Variants in NKAIN2 observed in about 807,000 individuals in gnomAD.
NKAIN2 encodes the protein sodium/potassium transporting ATPase interacting 2.
Under a neutral mutation model 32.6 loss-of-function variants are expected in NKAIN2, and 14 were observed. The ratio of observed to expected loss-of-function variants is 0.43; its 90% confidence interval spans 0.28 to 0.67. NKAIN2 has a LOEUF of 0.67. Among genes scored for constraint, NKAIN2 ranks in the 30% least tolerant of loss-of-function variants. The pLI, the probability that NKAIN2 is intolerant of heterozygous loss-of-function variation, is 0.17. For missense variants in NKAIN2, 198 were observed against 258.3 expected, an observed-to-expected ratio of 0.77 and a Z score of 1.60; for synonymous variants, 80 against 87.2, an observed-to-expected ratio of 0.92 and a Z score of 0.46.
chr6:124,735,769 C>A (rs2114675932), intron 4 of NKAIN2, among the ~76,000 whole-genome samples: 1 of 151,932 alleles, frequency 6.6e-6, no homozygotes, highest in African/African-American at 2.4e-5. Context: ...CAATTCACAT[C>A]CATATAAGAT....
chr6:124,406,180 C>T (rs1006156304), intron 3 of NKAIN2, among the ~76,000 whole-genome samples: 1 of 152,014 alleles, frequency 6.6e-6, no homozygotes, highest in Non-Finnish European at 1.5e-5. Context: ...AAATATATTC[C>T]TCACCATTGA....
At position 124,215,884 on chromosome 6, in the gene NKAIN2, G is replaced by C. The variant is rs971161396; in HGVS notation, c.55-67121G>C. Among the ~76,000 whole-genome samples, 4 of 152,224 alleles carry C rather than the reference G, an allele frequency of 2.6e-5. No homozygotes were observed. In the East Asian group the frequency reaches 7.7e-4, roughly 29 times the overall value. ...TGTAATCCCAGCACTTTGGGAGACT[G>C]AGGCGGGTGGATCACCTGAGGTCAG... On this transcript the variant is annotated intron_variant, in intron 1 of 6. Transcript: ENST00000368417.
chr6:124,257,077 T>TC (rs376193974), intron 1 of NKAIN2, among the ~76,000 whole-genome samples: 4 of 152,008 alleles, frequency 2.6e-5, no homozygotes, highest in African/African-American at 9.7e-5. Flanking sequence ...TATTTTTTTT[T>TC]CACTAGAGGA....
chr6:124,086,895 GCAGAGAGAATACTTCTCAA>G (rs1784212442), intron 1 of NKAIN2, among the ~76,000 whole-genome samples: 1 of 151,910 alleles, frequency 6.6e-6, no homozygotes, highest in South Asian at 2.1e-4. Flanking sequence ...GAAGGTAGAA[GCAGAGAGAATACTTCTCAA>G]GTCATTCTTT....
In NKAIN2 at chr6:124,527,452, C is replaced by T. The variant is rs961907338; in HGVS notation, c.274-130734C>T. On this transcript the variant is annotated intron_variant, in intron 3 of 6. Coordinates refer to ENST00000368417, the MANE Select transcript of NKAIN2 (RefSeq NM_001040214.3). ...TCTCTAAATAATAAATATTTCTGAACGTGTATCATTAATATTAGAATTTGT... is the reference window on the plus strand; with the variant it reads ...TCTCTAAATAATAAATATTTCTGAATGTGTATCATTAATATTAGAATTTGT... Among the ~76,000 whole-genome samples, 12 of 152,070 alleles carry T rather than the reference C, an allele frequency of 7.9e-5. No homozygotes were observed. The East Asian group carries it at 1.2e-3, about 15-fold the overall frequency.
intron 1 of NKAIN2, among the ~76,000 whole-genome samples, chr6:124,223,076 G>T (rs1039968092): frequency 6.6e-6 from 1 of 151,954 alleles, no homozygotes; most frequent in East Asian, 1.9e-4. Flanking sequence ...AGCCGGGCAT[G>T]GTGGCGGGCA....
At chr6:123,920,856 G>A (rs1035720850) in intron 1 of NKAIN2, among the ~76,000 whole-genome samples, 2 of 152,168 alleles carry the variant, frequency 1.3e-5, no homozygotes, top group African/African-American at 4.8e-5. Flanking sequence ...AAGTGTGCTA[G>A]TATCATTGCA....
intron 1 of NKAIN2, among the ~76,000 whole-genome samples, chr6:123,921,285 C>T (rs887944170): frequency 1.1e-4 from 17 of 152,094 alleles, no homozygotes; most frequent in East Asian, 1.9e-4. Flanking sequence ...TTTCCGTTGT[C>T]GAACAATTAT....
chr6:124,808,378 A>G (rs1247302203), intron 5 of NKAIN2, among the ~76,000 whole-genome samples: 1 of 152,244 alleles, frequency 6.6e-6, no homozygotes, highest in African/African-American at 2.4e-5. Context: ...ACCAAAGACA[A>G]AAACCACATG....
At chr6:124,420,116 A>C (rs887710510) in intron 3 of NKAIN2, among the ~76,000 whole-genome samples, 2 of 152,198 alleles carry the variant, frequency 1.3e-5, no homozygotes. Context: ...GAAAAATCAA[A>C]CAATAACTTC....
intron 1 of NKAIN2, among the ~76,000 whole-genome samples, chr6:123,837,834 G>T (rs1047262272): frequency 1.3e-5 from 2 of 152,092 alleles, no homozygotes; most frequent in African/African-American, 2.4e-5. Flanking sequence ...CCATCTTGTG[G>T]AAAGTGATGT....
At chr6:124,459,145 C>T (rs1190028628) in intron 3 of NKAIN2, among the ~76,000 whole-genome samples, 1 of 151,722 alleles carries the variant, frequency 6.6e-6, no homozygotes, top group Non-Finnish European at 1.5e-5. Context: ...CACTTTCTGG[C>T]CCACTGAGGC....
intron 3 of NKAIN2, among the ~76,000 whole-genome samples, chr6:124,401,817 G>C (rs1465995603): frequency 1.3e-5 from 2 of 151,984 alleles, no homozygotes; most frequent in African/African-American, 4.8e-5. Flanking sequence ...ACTCCCTGCT[G>C]GGTATACAAC....
At chr6:124,804,843 G>C (rs9388377) in intron 5 of NKAIN2, among the ~76,000 whole-genome samples, 61,039 of 152,102 alleles carry the variant, frequency 0.4, 13,367 homozygotes, top group East Asian at 0.61. Flanking sequence ...GAGATTATAT[G>C]CTGCACCTGG....
intron 1 of NKAIN2, among the ~76,000 whole-genome samples, chr6:124,102,569 A>C (rs1281429622): frequency 6.6e-6 from 1 of 152,056 alleles, no homozygotes; most frequent in East Asian, 1.9e-4. Flanking sequence ...TGGTGGGCTT[A>C]TGTTTCTGTT....
intron 3 of NKAIN2, among the ~76,000 whole-genome samples, chr6:124,653,444 C>CAAA (rs35842873): frequency 4.4e-4 from 35 of 79,670 alleles, no homozygotes; most frequent in Middle Eastern, 0.01. Flanking sequence ...CATCCACATG[C>CAAA]AAAAAAAAAA....
chr6:124,476,099 CG>C (rs1777200106), intron 3 of NKAIN2, among the ~76,000 whole-genome samples: 1 of 109,476 alleles, frequency 9.1e-6, no homozygotes, highest in Non-Finnish European at 1.8e-5. Context: ...TGTGTGTGTG[CG>C]TGCGCGCGCG....
chr6:124,315,405 TA>T (rs1194269347), intron 2 of NKAIN2, among the ~76,000 whole-genome samples: 4 of 151,930 alleles, frequency 2.6e-5, no homozygotes, highest in Non-Finnish European at 5.9e-5. Flanking sequence ...GAATGCACTT[TA>T]AAAAAAGAGC....
At chr6:124,637,998 T>C (rs1343575275) in intron 3 of NKAIN2, among the ~76,000 whole-genome samples, 2 of 152,094 alleles carry the variant, frequency 1.3e-5, no homozygotes, top group Non-Finnish European at 2.9e-5. Context: ...ACTATCTAAC[T>C]TAAAAAATAT....
Sources: allele counts gnomAD v4.1 joint callset (sites outside exome capture counted in the v4.1 genomes callset), GRCh38; gene constraint gnomAD v4.1.1; transcripts MANE v1.5; gene names NCBI Gene and HGNC (gene_info 2026-07-23, HGNC 2026-07-21).